Variants in TSC1 observed in about 807,000 individuals in gnomAD.
TSC1 encodes the protein TSC complex subunit 1, also known as hamartin.
TSC1 carries 20 observed loss-of-function variants against 124.3 expected under a neutral mutation model. The observed-to-expected ratio is 0.16, with a 90% CI of 0.11 to 0.23. TSC1 has a LOEUF of 0.23. Among genes scored for constraint, TSC1 ranks in the 10% least tolerant of loss-of-function variants. TSC1 has a pLI of 1.00. For missense variants in TSC1, 1,124 were observed against 1,448.5 expected (o/e 0.78, Z 3.64); for synonymous variants, 493 against 539.1 (o/e 0.91, Z 1.19).
At position 132,903,523 on chromosome 9, in the gene TSC1, C is replaced by A. The variant is rs574614172; in HGVS notation, c.2208+128G>T. The A allele has an allele frequency of 2.5e-5, 34 of 1,349,272 alleles. No homozygotes were observed. Among genetic ancestry groups the A allele is most frequent in the Non-Finnish European group, 3.4e-5 (32 of 954,230 alleles). The allele number at this position is 1,349,272 out of a possible 1,614,324, so 83.6% of individuals were successfully genotyped here. On this transcript the variant is annotated intron_variant, in intron 17 of 22. Transcript: ENST00000298552. The surrounding 1 kb of genome is among the most constrained non-coding windows in gnomAD (Gnocchi z 5.9). The stretch of plus-strand genomic sequence containing the variant: ...TCACCATTCATGTCTTAATCTCAAG[C>A]GACCTGCCCAAAGGAGTGGGAAGGA...
chr9:132,932,461 A>C (rs1010777126), intron 2 of TSC1, among the ~76,000 whole-genome samples: 3 of 152,214 alleles, frequency 2.0e-5, no homozygotes, highest in Non-Finnish European at 4.4e-5. Context: ...GCTTGTATTC[A>C]TGCTACCCTA....
chr9:132,897,745 C>A, intron 20 of TSC1, 135 bp from the exon 21 acceptor site: 1 of 1,206,746 alleles, frequency 8.3e-7, no homozygotes, highest in South Asian at 1.5e-5. Context: ...TAAACTAGTA[C>A]AACTTTATGG....
In TSC1 at chr9:132,892,509, C is replaced by T. The variant is rs1243602772; in HGVS notation, c.*3726G>A. 1 of 233,264 alleles carries T rather than the reference C, an allele frequency of 4.3e-6. No individual in the cohort carries two copies. The highest frequency in any genetic ancestry group is 6.0e-5 in the East Asian group (1 of 16,608). The allele number at this position is 233,264 out of a possible 1,614,324, so 14.4% of individuals were successfully genotyped here. ...TCCTTCTCCAGGTGGGGCAGAGCCC[C>T]CTGGGGGAACAACTCTCCAAGAGTA... On this transcript the variant is annotated 3_prime_UTR_variant, in exon 23 of 23. Coordinates refer to ENST00000298552, the MANE Select transcript of TSC1 (RefSeq NM_000368.5).
intron 20 of TSC1, chr9:132,899,399 A>G (rs1042740487): frequency 2.0e-5 from 3 of 152,302 alleles, no homozygotes; most frequent in Admixed American, 6.5e-5. Flanking sequence ...GAGTGGAAAG[A>G]GCCTGGCTCC....
chr9:132,905,906 G>T lies in TSC1; in HGVS notation c.1672C>A (p.Pro558Thr), dbSNP rs1554815946. 1 of 1,612,484 alleles carries T rather than the reference G, an allele frequency of 6.2e-7. No homozygotes were observed. Among genetic ancestry groups the T allele is most frequent in the Non-Finnish European group, 8.5e-7 (1 of 1,178,666 alleles). Residue 558 changes from proline to threonine, a missense_variant, in exon 15 of 23, where the codon CCC (proline) becomes ACC (threonine). Physicochemically the swap from Pro to Thr is conservative, Grantham distance 38 (BLOSUM62 -1). Transcript: ENST00000298552. Reference sequence around the variant, plus strand: ...GGGCTTTCATCAGCACTGCCGCAGGGCAGGTCTATGGGAGTAAAGGCTTGC... The same window carrying T: ...GGGCTTTCATCAGCACTGCCGCAGGTCAGGTCTATGGGAGTAAAGGCTTGC... ...PKQAFTPIDL[P>T]CGSADESPAG...
chr9:132,912,386 G>A lies in TSC1; in HGVS notation c.809C>T (p.Ser270Leu), dbSNP rs878853968. 8 of 1,614,074 alleles carry A rather than the reference G, an allele frequency of 5.0e-6. No individual in the cohort carries two copies. The highest frequency in any genetic ancestry group is 1.3e-5 in the African/African-American group (1 of 74,914). Residue 270 changes from serine to leucine, a missense_variant, in exon 9 of 23, where the codon TCA (serine) becomes TTA (leucine). By Grantham distance (145) the Ser-to-Leu change is moderately radical. Coordinates refer to ENST00000298552, the MANE Select transcript of TSC1 (RefSeq NM_000368.5). ...AGACACAGAATAGCCATCTTCATAT[G>A]AGGCTTCTGTGGGATCCAGAGAGAT... Reference protein sequence around the residue: ...AKISLDPTEASYEDGYSVSHQ... With the variant: ...AKISLDPTEALYEDGYSVSHQ...
intron 2 of TSC1, among the ~76,000 whole-genome samples, chr9:132,933,495 T>C (rs1430437859): frequency 3.9e-5 from 6 of 152,210 alleles, no homozygotes; most frequent in Non-Finnish European, 8.8e-5. Flanking sequence ...CAACAATTTT[T>C]AGTAATTGAA....
intron 1 of TSC1, chr9:132,941,377 A>G (rs1847728829): frequency 6.6e-6 from 1 of 152,248 alleles, no homozygotes; most frequent in African/African-American, 2.4e-5. Flanking sequence ...AGTCTTAAAA[A>G]GTAAACCAGA....
In TSC1 at chr9:132,923,210, T is replaced by C; in HGVS notation, c.508+138A>G. On this transcript the variant is annotated intron_variant, in intron 6 of 22. Transcript: ENST00000298552. This position sits in a 1 kb window ranked among gnomAD's most constrained non-coding sequence, Gnocchi z 4.2. ...CCTGTAGTGGATGCACCCAAGATAT[T>C]CCCTCATCTGTCTGGTGAAAACCAC... 1 of 1,225,442 alleles carries C rather than the reference T, an allele frequency of 8.2e-7. No homozygotes were observed. Among genetic ancestry groups the C allele is most frequent in the Non-Finnish European group, 1.1e-6 (1 of 891,486 alleles). 75.9% of individuals were successfully genotyped at this position (1,225,442 alleles called of 1,614,324 possible). A position where few individuals can be genotyped will look rare whatever the true frequency, so the allele number is the denominator to read the frequency against.
At position 132,925,332 on chromosome 9, in the gene TSC1, G is replaced by A. The variant is rs566784574; in HGVS notation, c.363+255C>T. On this transcript the variant is annotated intron_variant, in intron 5 of 22. Transcript: ENST00000298552. ...AACGATGACGAAATCAAGAGGTTTG[G>A]AATAATGTAACATTGAACCCATCTG... 2.0e-5 allele frequency among the ~76,000 whole-genome samples: 3 copies of A among 152,274 alleles called. No individual in the cohort carries two copies. In the South Asian group the frequency reaches 6.2e-4, roughly 32 times the overall value.
intron 20 of TSC1, among the ~76,000 whole-genome samples, chr9:132,898,638 G>A (rs189068990): frequency 3.3e-5 from 5 of 152,308 alleles, no homozygotes; most frequent in East Asian, 1.9e-4. Context: ...TCTGGCCTTC[G>A]TCATAAACAA....
chr9:132,904,211 G>C (rs538030730), intron 16 of TSC1, among the ~76,000 whole-genome samples, 200 bp downstream of exon 16: 2 of 152,112 alleles, frequency 1.3e-5, no homozygotes, highest in African/African-American at 4.8e-5. Context: ...ACTCTCAAGC[G>C]CATAGTACTT....
rs11364856 is a variant in TSC1, at chr9:132,911,625, T to TAA, written c.914-59_914-58dup. 3.1e-3 allele frequency: 530 copies of TAA among 169,016 alleles called. 1 individual carries two copies. The highest frequency in any genetic ancestry group is 6.3e-3 in the Middle Eastern group (3 of 474). The allele number at this position is 169,016 out of a possible 1,614,324, so 10.5% of individuals were successfully genotyped here. A position where few individuals can be genotyped will look rare whatever the true frequency, so the allele number is the denominator to read the frequency against. ...GTGTGTGGTTTTAGGTTATTCTGGT[T>TAA]AAAAAAAAAAAAAAAAAAAAAAAAA... On this transcript the variant is annotated intron_variant, in intron 9 of 22. Coordinates refer to ENST00000298552, the MANE Select transcript of TSC1 (RefSeq NM_000368.5).
chr9:132,916,083 A>G, intron 8 of TSC1, among the ~76,000 whole-genome samples: 1 of 152,272 alleles, frequency 6.6e-6, no homozygotes, highest in Non-Finnish European at 1.5e-5. Flanking sequence ...ATGCACTTAC[A>G]GTATTTCCCT....
In TSC1 at chr9:132,944,543, C is replaced by T. The variant is rs796053468; in HGVS notation, c.-144G>A. 5.3e-5 allele frequency: 21 copies of T among 398,606 alleles called. No homozygotes were observed. The highest frequency in any genetic ancestry group is 2.5e-4 in the African/African-American group (12 of 48,640). The allele number at this position is 398,606 out of a possible 1,614,324, so 24.7% of individuals were successfully genotyped here. ...GAGGGGGAGACACCCCCATACTCAC[C>T]CACCGTCTCCTCCCCCTCAGCTGTT... On this transcript the variant is annotated splice_region_variant and 5_prime_UTR_variant, in exon 1 of 23. It adds an upstream start codon to the 5' untranslated region. Coordinates refer to ENST00000298552, the MANE Select transcript of TSC1 (RefSeq NM_000368.5).
At chr9:132,904,737 T>G (rs1327072919) in intron 15 of TSC1, among the ~76,000 whole-genome samples, 1 of 152,236 alleles carries the variant, frequency 6.6e-6, no homozygotes, top group Non-Finnish European at 1.5e-5. Flanking sequence ...TGAGCTGCAC[T>G]GCATACACCG....
At chr9:132,914,033 G>T (rs1846132953) in intron 8 of TSC1, among the ~76,000 whole-genome samples, 1 of 150,668 alleles carries the variant, frequency 6.6e-6, no homozygotes, top group Admixed American at 6.6e-5. Context: ...CGAGTAGCTG[G>T]GATTCCAGGT....
chr9:132,911,625 T>TA (rs11364856), intron 9 of TSC1, 57 bp from the exon 10 acceptor site: 1,848 of 168,874 alleles, frequency 0.011, 10 homozygotes, highest in Admixed American at 0.015. Flanking sequence ...TTATTCTGGT[T>TA]AAAAAAAAAA....
At chr9:132,944,799 A>G, upstream of TSC1, 2 of 393,188 alleles carry the variant, frequency 5.1e-6, no homozygotes, top group Non-Finnish European at 9.0e-6. Context: ...GAAAAAAAGT[A>G]AGGAGGGTTT....
Sources: allele counts gnomAD v4.1 joint callset (sites outside exome capture counted in the v4.1 genomes callset), GRCh38; gene constraint gnomAD v4.1.1; non-coding constraint Gnocchi (gnomAD v3.1); transcripts MANE v1.5; gene names NCBI Gene and HGNC (gene_info 2026-07-23, HGNC 2026-07-21).